Variants in FRMD4B observed in about 807,000 individuals in gnomAD.
FRMD4B encodes the protein FERM domain-containing protein 4B.
A neutral mutation model predicts 141.5 loss-of-function variants in FRMD4B; 74 were observed. That is an observed-to-expected ratio of 0.52 (90% CI 0.43 to 0.63). The LOEUF is 0.63. Among genes scored for constraint, FRMD4B ranks in the 30% least tolerant of loss-of-function variants. FRMD4B has a pLI of 0.00. For missense variants in FRMD4B, 1,366 were observed against 1,253.4 expected, an observed-to-expected ratio of 1.09 and a Z score of -1.36; for synonymous variants, 506 against 467.9, an observed-to-expected ratio of 1.08 and a Z score of -1.05.
At position 69,225,715 on chromosome 3, in the gene FRMD4B, AAAAAAAAAAAAAAGAG is replaced by A. The variant is rs1439869874; in HGVS notation, c.582-1041_582-1026del. On this transcript the variant is annotated intron_variant, in intron 7 of 22. Transcript: ENST00000398540. ...GTCTCAAAAAAAAAAAAAAAAAAAA[AAAAAAAAAAAAAAGAG>A]GGAGAACACGTAATACTACCCAGTC... is the stretch of plus-strand genomic sequence containing the variant. Among the ~76,000 whole-genome samples the A allele has an allele frequency of 6.3e-3, 449 of 71,088 alleles. 7 individuals are homozygous for A. The highest frequency in any genetic ancestry group is 0.011 in the Non-Finnish European group (350 of 32,112). The allele number at this position is 71,088 out of a possible 152,430, so 46.6% of individuals were successfully genotyped here. A position where few individuals can be genotyped will look rare whatever the true frequency, so the allele number is the denominator to read the frequency against.
At chr3:69,348,766 C>T (rs1703035224) in intron 1 of FRMD4B, among the ~76,000 whole-genome samples, 1 of 152,178 alleles carries the variant, frequency 6.6e-6, no homozygotes. Context: ...CAGAAAACGC[C>T]TTTGACAAAA....
intron 4 of FRMD4B, among the ~76,000 whole-genome samples, chr3:69,290,810 T>G (rs1250442330): frequency 2.6e-5 from 4 of 152,166 alleles, no homozygotes; most frequent in Admixed American, 6.5e-5. Context: ...GCCTACCTGG[T>G]GGGGCTAGGT....
chr3:69,289,445 C>G (rs1208526667), intron 4 of FRMD4B, among the ~76,000 whole-genome samples: 1 of 152,210 alleles, frequency 6.6e-6, no homozygotes. Flanking sequence ...ACTAGCTGCA[C>G]TGGGCACATT....
At chr3:69,214,172 T>G (rs1575616650) in intron 11 of FRMD4B, among the ~76,000 whole-genome samples, 1 of 152,186 alleles carries the variant, frequency 6.6e-6, no homozygotes, top group Non-Finnish European at 1.5e-5. Flanking sequence ...CATAGAAGAC[T>G]GTGTGCAATG....
intron 7 of FRMD4B, among the ~76,000 whole-genome samples, chr3:69,245,528 G>A (rs1042596825): frequency 6.6e-6 from 1 of 152,142 alleles, no homozygotes; most frequent in South Asian, 2.1e-4. Context: ...TGTATTTTTA[G>A]TAGAGACAAG....
intron 1 of FRMD4B, among the ~76,000 whole-genome samples, chr3:69,500,692 C>T (rs1253418385): frequency 1.3e-5 from 2 of 151,950 alleles, no homozygotes; most frequent in Admixed American, 6.5e-5. Context: ...AAGGCCCCCC[C>T]ACCCCCCAAG....
At chr3:69,504,974 C>A (rs549168849) in intron 1 of FRMD4B, among the ~76,000 whole-genome samples, 1 of 152,260 alleles carries the variant, frequency 6.6e-6, no homozygotes, top group East Asian at 1.9e-4. Context: ...CCTTGTGATG[C>A]CTGGAGATAT....
At chr3:69,218,787 A>G (rs1352655336) in intron 9 of FRMD4B, among the ~76,000 whole-genome samples, 1 of 152,212 alleles carries the variant, frequency 6.6e-6, no homozygotes. Flanking sequence ...TAGAGGTTAA[A>G]TAACTAGAAA....
chr3:69,399,283 AG>A (rs1341356519), intron 2 of FRMD4B, among the ~76,000 whole-genome samples: 2 of 152,322 alleles, frequency 1.3e-5, no homozygotes, highest in East Asian at 3.9e-4. Flanking sequence ...AGAAAGCTTT[AG>A]GGTTTTAATC....
At chr3:69,451,022 C>T (rs1231146565) in intron 1 of FRMD4B, among the ~76,000 whole-genome samples, 2 of 152,178 alleles carry the variant, frequency 1.3e-5, no homozygotes, top group Non-Finnish European at 2.9e-5. Context: ...AAGGCTGCGG[C>T]CATATCCTAA....
chr3:69,510,666 T>C (rs1480741072), intron 1 of FRMD4B, among the ~76,000 whole-genome samples: 3 of 152,294 alleles, frequency 2.0e-5, no homozygotes, highest in South Asian at 4.2e-4. Context: ...GCCAAAGGTG[T>C]TGATGACCAC....
chr3:69,471,340 A>G (rs1482793973), intron 1 of FRMD4B: 1 of 184,560 alleles, frequency 5.4e-6, no homozygotes, highest in Non-Finnish European at 1.2e-5. Context: ...ATGAAGGGTG[A>G]TCATAAGGAT....
At position 69,279,264 on chromosome 3, in the gene FRMD4B, C is replaced by T. The variant is rs182569337; in HGVS notation, c.501+8488G>A. 1.8e-4 allele frequency among the ~76,000 whole-genome samples: 27 copies of T among 152,272 alleles called. No homozygotes were observed. The East Asian group carries it at 3.1e-3, about 17-fold the overall frequency. ...TTGAATGAATGAAGACAGACAAATACGGTTTCTGGGGCCAGACTACATAGA... is the reference window on the plus strand; with the variant it reads ...TTGAATGAATGAAGACAGACAAATATGGTTTCTGGGGCCAGACTACATAGA... On this transcript the variant is annotated intron_variant, in intron 5 of 22. Coordinates refer to ENST00000398540, the MANE Select transcript of FRMD4B (RefSeq NM_015123.3).
Position 69,216,368 on chromosome 3 carries a change from T to C in FRMD4B, c.790-19A>G. 1 of 1,309,720 alleles carries C rather than the reference T, an allele frequency of 7.6e-7. No individual in the cohort carries two copies. The highest frequency in any genetic ancestry group is 1.1e-6 in the Non-Finnish European group (1 of 919,710). The allele number at this position is 1,309,720 out of a possible 1,614,324, so 81.1% of individuals were successfully genotyped here. A position where few individuals can be genotyped will look rare whatever the true frequency, so the allele number is the denominator to read the frequency against. On this transcript the variant is annotated intron_variant, in intron 10 of 22. Transcript: ENST00000398540. ...GCTTATCCTAGAAGATGAAAAAGCA[T>C]GAGAACCAAGACCTAGCTGTTAACT...
intron 1 of FRMD4B, among the ~76,000 whole-genome samples, chr3:69,515,964 G>C (rs1700751657): frequency 6.6e-6 from 1 of 152,138 alleles, no homozygotes; most frequent in Non-Finnish European, 1.5e-5. Flanking sequence ...GCCGGTTGCA[G>C]TGGCTCATAC....
At chr3:69,500,344 T>C (rs1160389958) in intron 1 of FRMD4B, among the ~76,000 whole-genome samples, 1 of 152,202 alleles carries the variant, frequency 6.6e-6, no homozygotes, top group East Asian at 1.9e-4. Context: ...TGGTTGAAGA[T>C]GCGCGGAGGA....
At chr3:69,504,062 A>G (rs938370484) in intron 1 of FRMD4B, among the ~76,000 whole-genome samples, 2 of 152,360 alleles carry the variant, frequency 1.3e-5, no homozygotes, top group Non-Finnish European at 2.9e-5. Flanking sequence ...ACAGGATCAT[A>G]TACAATCACT....
At chr3:69,348,355 C>G in intron 1 of FRMD4B, among the ~76,000 whole-genome samples, 1 of 151,904 alleles carries the variant, frequency 6.6e-6, no homozygotes, top group Admixed American at 6.6e-5. Context: ...GCCTACCAAC[C>G]AAAAAAAGTC....
intron 1 of FRMD4B, among the ~76,000 whole-genome samples, chr3:69,519,315 G>C (rs1173997141): frequency 2.0e-5 from 3 of 152,138 alleles, no homozygotes; most frequent in Admixed American, 2.0e-4. Flanking sequence ...GGAAAGCTAG[G>C]TTGTGCAAAG....
Sources: allele counts gnomAD v4.1 joint callset (sites outside exome capture counted in the v4.1 genomes callset), GRCh38; gene constraint gnomAD v4.1.1; transcripts MANE v1.5; gene names NCBI Gene and HGNC (gene_info 2026-07-23, HGNC 2026-07-21).